The following BLCAP variants were observed in gnomAD, a reference collection of about 807,000 sequenced individuals.
BLCAP encodes the protein apoptosis inducing factor BLCAP.
BLCAP carries 1 observed loss-of-function variant against 5.7 expected under a neutral mutation model. The ratio of observed to expected loss-of-function variants is 0.18; its 90% confidence interval spans 0.06 to 0.83. The LOEUF (loss-of-function observed/expected upper bound fraction) is 0.83. BLCAP is among the 40% of genes least tolerant of loss of function. BLCAP has a pLI of 0.71. For synonymous variants in BLCAP, 48 were observed against 49.4 expected (o/e 0.97, Z 0.11); for missense variants, 66 against 107.6 (o/e 0.61, Z 1.71).
rs2071572214 is a variant in BLCAP at position 37,521,506 on chromosome 20, G to T, written c.-176-2156C>A. 5 of 1,172,418 alleles carry T rather than the reference G, an allele frequency of 4.3e-6. No individual in the cohort carries two copies. 72.6% of individuals were successfully genotyped at this position (1,172,418 alleles called of 1,614,324 possible). On this transcript the variant is annotated intron_variant, in intron 1 of 1. Coordinates refer to ENST00000373537, the MANE Select transcript of BLCAP (RefSeq NM_006698.4). This position sits in a 1 kb window ranked among gnomAD's most constrained non-coding sequence, Gnocchi z 4.5. ...CCGCTTCCCGGACCCGTCCTATTCC[G>T]ATTGCCGCGATCCTTGCCTGCCCAA...
Position 37,521,395 on chromosome 20 carries a change from C to T in BLCAP, c.-176-2045G>A. The T allele has an allele frequency of 1.2e-6, 2 of 1,614,090 alleles. No individual in the cohort carries two copies. The highest frequency in any genetic ancestry group is 8.5e-7 in the Non-Finnish European group (1 of 1,179,950). ...CATCGGCTGGTACATCTTCCGCGTG[C>T]TGCTGCAGGTAAGTCTGACGGGGTT... On this transcript the variant is annotated intron_variant, in intron 1 of 1. Transcript: ENST00000373537. The surrounding 1 kb of genome is among the most constrained non-coding windows in gnomAD (Gnocchi z 4.5).
At position 37,518,024 on chromosome 20, in the gene BLCAP, C is replaced by T. The variant is rs1244974105; in HGVS notation, c.*887G>A. ...CACCAAAAAATATCCAAACATCTAT[C>T]AAGGGGATCAAGGCCGTTACGAAAC... On this transcript the variant is annotated 3_prime_UTR_variant, in exon 2 of 2. Coordinates refer to ENST00000373537, the MANE Select transcript of BLCAP (RefSeq NM_006698.4). 6.6e-6 allele frequency: 1 copy of T among 152,660 alleles called. No individual in the cohort carries two copies. The highest frequency in any genetic ancestry group is 1.5e-5 in the Non-Finnish European group (1 of 68,178). 9.5% of individuals were successfully genotyped at this position (152,660 alleles called of 1,614,324 possible).
rs766354032 is a variant in BLCAP, at chr20:37,519,184, C to A, written c.-10G>T. The A allele has an allele frequency of 1.3e-5, 21 of 1,568,264 alleles. No individual in the cohort carries two copies. Among genetic ancestry groups the A allele is most frequent in the South Asian group, 2.3e-5 (2 of 86,144 alleles). Reference sequence around the variant, plus strand: ...ACTGGAGGCAATACATGATCTCTGCCGGGCAGGGCCTTCACCAAGGCTGCC... The same window carrying A: ...ACTGGAGGCAATACATGATCTCTGCAGGGCAGGGCCTTCACCAAGGCTGCC... On this transcript the variant is annotated 5_prime_UTR_variant, in exon 2 of 2. Transcript: ENST00000373537.
Position 37,517,901 on chromosome 20 carries a change from T to A in BLCAP, c.*1010A>T, listed in dbSNP as rs1460648145. The A allele has an allele frequency of 2.6e-5, 4 of 152,664 alleles. No individual in the cohort carries two copies. The highest frequency in any genetic ancestry group is 9.6e-5 in the African/African-American group (4 of 41,456). The allele number at this position is 152,664 out of a possible 1,614,324, so 9.5% of individuals were successfully genotyped here. A position where few individuals can be genotyped will look rare whatever the true frequency, so the allele number is the denominator to read the frequency against. On this transcript the variant is annotated 3_prime_UTR_variant, in exon 2 of 2. Coordinates refer to ENST00000373537, the MANE Select transcript of BLCAP (RefSeq NM_006698.4). ...AAACTGTAGCGGCACCTACCATATA[T>A]AGCTAGCTATTGCTAAACCTCAAAA...
chr20:37,519,436 A>T (rs1017695220), intron 1 of BLCAP, 86 bp from the exon 2 acceptor site: 69 of 352,054 alleles, frequency 2.0e-4, no homozygotes, highest in Non-Finnish European at 1.5e-4. Flanking sequence ...AAAAAAAAAA[A>T]AAAACAGGAA....
intron 1 of BLCAP, among the ~76,000 whole-genome samples, chr20:37,526,271 T>TCCCCCCC (rs11477433): frequency 1.3e-3 from 162 of 125,242 alleles, no homozygotes; most frequent in Non-Finnish European, 1.9e-3. Flanking sequence ...GCAGTTAACT[T>TCCCCCCC]CCCCCCCCCA....
At position 37,518,794 on chromosome 20, in the gene BLCAP, C is replaced by A. The variant is rs1047802013; in HGVS notation, c.*117G>T. On this transcript the variant is annotated 3_prime_UTR_variant, in exon 2 of 2. Coordinates refer to ENST00000373537, the MANE Select transcript of BLCAP (RefSeq NM_006698.4). ...TAAAACATCACAGGCCAAAAAGGCG[C>A]CGTCAGGAATGTGACACCCGCGAGG... The A allele has an allele frequency of 3.7e-5, 53 of 1,417,728 alleles. No homozygotes were observed. Among genetic ancestry groups the A allele is most frequent in the Non-Finnish European group, 5.0e-5 (53 of 1,051,018 alleles). 87.8% of individuals were successfully genotyped at this position (1,417,728 alleles called of 1,614,324 possible). A position where few individuals can be genotyped will look rare whatever the true frequency, so the allele number is the denominator to read the frequency against.
rs1295280372 is a variant in BLCAP, at chr20:37,521,641, G to A, written c.-176-2291C>T. The stretch of plus-strand genomic sequence containing the variant: ...CCAGGGAACAAAGACTCGGGGCGCG[G>A]CGGGCGACCGCTGCGGACGATCACC... On this transcript the variant is annotated intron_variant, in intron 1 of 1. Transcript: ENST00000373537. This position sits in a 1 kb window ranked among gnomAD's most constrained non-coding sequence, Gnocchi z 4.5. 5 of 531,238 alleles carry A rather than the reference G, an allele frequency of 9.4e-6. No individual in the cohort carries two copies. The highest frequency in any genetic ancestry group is 3.9e-5 in the African/African-American group (2 of 51,338). The allele number at this position is 531,238 out of a possible 1,614,324, so 32.9% of individuals were successfully genotyped here. A position where few individuals can be genotyped will look rare whatever the true frequency, so the allele number is the denominator to read the frequency against.
At position 37,521,414 on chromosome 20, in the gene BLCAP, C is replaced by T. The variant is rs747788872; in HGVS notation, c.-176-2064G>A. On this transcript the variant is annotated intron_variant, in intron 1 of 1. Coordinates refer to ENST00000373537, the MANE Select transcript of BLCAP (RefSeq NM_006698.4). The surrounding 1 kb of genome is among the most constrained non-coding windows in gnomAD (Gnocchi z 4.5). ...CGCGTGCTGCTGCAGGTAAGTCTGA[C>T]GGGGTTTCGGGTGGGAGAGGGTTCC... 14 of 1,613,788 alleles carry T rather than the reference C, an allele frequency of 8.7e-6. No individual in the cohort carries two copies. The highest frequency in any genetic ancestry group is 6.6e-5 in the South Asian group (6 of 91,086).
Position 37,521,098 on chromosome 20 carries a change from G to T in BLCAP, c.-176-1748C>A. On this transcript the variant is annotated intron_variant, in intron 1 of 1. Coordinates refer to ENST00000373537, the MANE Select transcript of BLCAP (RefSeq NM_006698.4). The surrounding 1 kb of genome is among the most constrained non-coding windows in gnomAD (Gnocchi z 4.5). ...CTAAGATGGAACTCAGGAGGCGGGG[G>T]TCGGTATGGAAAGAGCAGATGGATT... 1.1e-5 allele frequency: 6 copies of T among 566,700 alleles called. No individual in the cohort carries two copies. The allele number at this position is 566,700 out of a possible 1,614,324, so 35.1% of individuals were successfully genotyped here. A position where few individuals can be genotyped will look rare whatever the true frequency, so the allele number is the denominator to read the frequency against.
chr20:37,522,040 G>GA (rs1008649447), intron 1 of BLCAP, among the ~76,000 whole-genome samples: 1 of 150,800 alleles, frequency 6.6e-6, no homozygotes, highest in African/African-American at 2.4e-5. Flanking sequence ...ACGCACTGCA[G>GA]AAAAAAATTA....
chr20:37,522,312 C>CTGCTAAAGGAATCCTT lies in BLCAP; in HGVS notation c.-176-2978_-176-2963dup, dbSNP rs775469952. On this transcript the variant is annotated intron_variant, in intron 1 of 1. Coordinates refer to ENST00000373537, the MANE Select transcript of BLCAP (RefSeq NM_006698.4). ...AAGCTCCCTTTGCAGGAAGAATTCCCTGCTAAAGGAATCCTTTGCCAAAGG... is the reference window on the plus strand; with the variant it reads ...AAGCTCCCTTTGCAGGAAGAATTCCCTGCTAAAGGAATCCTTTGCTAAAGGAATCCTTTGCCAAAGG... 9.8e-6 allele frequency: 15 copies of CTGCTAAAGGAATCCTT among 1,536,008 alleles called. No individual in the cohort carries two copies. The East Asian group carries it at 3.4e-4, about 35-fold the overall frequency.
rs1392033275 is a variant in BLCAP at position 37,517,616 on chromosome 20, T to A, written c.*1295A>T. 6.6e-6 allele frequency: 1 copy of A among 152,444 alleles called. No individual in the cohort carries two copies. Among genetic ancestry groups the A allele is most frequent in the East Asian group, 1.9e-4 (1 of 5,192 alleles). 9.4% of individuals were successfully genotyped at this position (152,444 alleles called of 1,614,324 possible). On this transcript the variant is annotated 3_prime_UTR_variant, in exon 2 of 2. Coordinates refer to ENST00000373537, the MANE Select transcript of BLCAP (RefSeq NM_006698.4). The stretch of plus-strand genomic sequence containing the variant: ...CAAGAGAGAGATGGATGGATCAGAC[T>A]GAAAGGACAGGCATGCTGATCTCCA...
chr20:37,522,901 C>T (rs919096931), intron 1 of BLCAP: 1 of 647,488 alleles, frequency 1.5e-6, no homozygotes, highest in African/African-American at 1.8e-5. Flanking sequence ...CAGTGAGGGG[C>T]CAGTAGACCC....
chr20:37,522,478 C>T (rs748958704), intron 1 of BLCAP: 2 of 1,570,616 alleles, frequency 1.3e-6, no homozygotes. Context: ...TGCCGCCATG[C>T]AGCTCTCAGC....
At chr20:37,523,051 T>A in intron 1 of BLCAP, 1 of 367,960 alleles carries the variant, frequency 2.7e-6, no homozygotes, top group Non-Finnish European at 4.9e-6. Flanking sequence ...AGGCACCGCA[T>A]TCTGATCTGG....
Position 37,521,428 on chromosome 20 carries a change from G to A in BLCAP, c.-176-2078C>T, listed in dbSNP as rs2071566536. 1.9e-6 allele frequency: 3 copies of A among 1,612,010 alleles called. No individual in the cohort carries two copies. The highest frequency in any genetic ancestry group is 2.5e-6 in the Non-Finnish European group (3 of 1,178,038). On this transcript the variant is annotated intron_variant, in intron 1 of 1. Transcript: ENST00000373537. This position sits in a 1 kb window ranked among gnomAD's most constrained non-coding sequence, Gnocchi z 4.5. ...GGTAAGTCTGACGGGGTTTCGGGTG[G>A]GAGAGGGTTCCCAACTCGCGCCCCT... is the stretch of plus-strand genomic sequence containing the variant.
chr20:37,519,841 G>A (rs2071508898), intron 1 of BLCAP, among the ~76,000 whole-genome samples: 1 of 152,268 alleles, frequency 6.6e-6, no homozygotes, highest in Admixed American at 6.5e-5. Flanking sequence ...CAGGCACTAA[G>A]TGCAGAGTTA....
At position 37,521,584 on chromosome 20, in the gene BLCAP, C is replaced by T. The variant is rs920567973; in HGVS notation, c.-176-2234G>A. 5.2e-5 allele frequency: 33 copies of T among 636,930 alleles called. No homozygotes were observed. Among genetic ancestry groups the T allele is most frequent in the Non-Finnish European group, 7.4e-5 (27 of 364,318 alleles). The allele number at this position is 636,930 out of a possible 1,614,324, so 39.5% of individuals were successfully genotyped here. ...TGCCCATTCCCTGCGCCGTCCTCCT[C>T]GCGCTGACCCTCCCTAGTGCGCCCG... On this transcript the variant is annotated intron_variant, in intron 1 of 1. Transcript: ENST00000373537. This position sits in a 1 kb window ranked among gnomAD's most constrained non-coding sequence, Gnocchi z 4.5.
Sources: gnomAD v4.1 joint callset for allele counts (sites outside exome capture counted in the v4.1 genomes callset) on GRCh38, gnomAD v4.1.1 for gene constraint, Gnocchi (gnomAD v3.1) non-coding constraint, MANE v1.5 for transcripts, NCBI Gene and HGNC (gene_info 2026-07-23, HGNC 2026-07-21) for gene names.